The following PTBP2 variants were observed in gnomAD, a reference collection of about 807,000 sequenced individuals.
PTBP2 encodes polypyrimidine tract binding protein 2.
Under a neutral mutation model 61.4 loss-of-function variants are expected in PTBP2, and 13 were observed. The ratio of observed to expected loss-of-function variants is 0.21; its 90% CI spans 0.14 to 0.34. PTBP2 has a LOEUF of 0.34. PTBP2 is among the 10% of genes least tolerant of loss of function. The pLI is 1.00. For missense variants in PTBP2, 405 were observed against 642.6 expected (o/e 0.63, Z 4.00); for synonymous variants, 215 against 218.5 (o/e 0.98, Z 0.14).
intron 5 of PTBP2, among the ~76,000 whole-genome samples, chr1:96,773,801 A>G (rs140706435): frequency 0.019 from 2,817 of 151,796 alleles, 88 homozygotes; most frequent in African/African-American, 0.064. Flanking sequence ...CGTCTGTACT[A>G]AAAATACGAA....
At chr1:96,726,497 T>C (rs1211034243) in intron 2 of PTBP2, among the ~76,000 whole-genome samples, 1 of 150,100 alleles carries the variant, frequency 6.7e-6, no homozygotes, top group Admixed American at 6.6e-5. Context: ...GAGTGCAGTG[T>C]CGCGATCTCT....
At position 96,737,544 on chromosome 1, in the gene PTBP2, T is replaced by C. The variant is rs559906700; in HGVS notation, c.40-13881T>C. Among the ~76,000 whole-genome samples, 11 of 152,276 alleles carry C rather than the reference T, an allele frequency of 7.2e-5. No homozygotes were observed. The South Asian group carries it at 2.1e-3, about 29-fold the overall frequency. ...TGGAAAGGTTCTATGAAGGGTTGTT[T>C]AGAGCCTTTAAGGGCAAAATTTTCT... On this transcript the variant is annotated intron_variant, in intron 2 of 13. Transcript: ENST00000674951.
At position 96,813,017 on chromosome 1, in the gene PTBP2, C is replaced by T. The variant is rs763169685; in HGVS notation, c.1389-12C>T. 1.9e-6 allele frequency: 3 copies of T among 1,608,652 alleles called. No individual in the cohort carries two copies. The highest frequency in any genetic ancestry group is 1.1e-5 in the South Asian group (1 of 90,760). On this transcript the variant is annotated splice_polypyrimidine_tract_variant and intron_variant, in intron 12 of 13. Coordinates refer to ENST00000674951, the MANE Select transcript of PTBP2 (RefSeq NM_021190.4). ...TTAATCTTCACTTTTTCTTCCCATT[C>T]AATTTTCCTAGTCCATCAGTAGCAG...
At chr1:96,736,853 T>G (rs1342817227) in intron 2 of PTBP2, among the ~76,000 whole-genome samples, 1 of 151,916 alleles carries the variant, frequency 6.6e-6, no homozygotes, top group Non-Finnish European at 1.5e-5. Flanking sequence ...ATTTTTGAGT[T>G]TTTTTTTGTA....
At chr1:96,800,379 AG>A (rs374591493) in intron 8 of PTBP2, among the ~76,000 whole-genome samples, 266 of 149,558 alleles carry the variant, frequency 1.8e-3, no homozygotes, top group African/African-American at 6.5e-3. Context: ...ATTTAGTAAA[AG>A]GTAGCATTCT....
intron 8 of PTBP2, among the ~76,000 whole-genome samples, chr1:96,804,274 A>C (rs1661299653): frequency 6.6e-6 from 1 of 152,200 alleles, no homozygotes; most frequent in East Asian, 1.9e-4. Flanking sequence ...CTTTATTTGC[A>C]TGAATTAAAT....
chr1:96,735,192 A>G (rs193190987), intron 2 of PTBP2, among the ~76,000 whole-genome samples: 192 of 152,272 alleles, frequency 1.3e-3, no homozygotes, highest in Non-Finnish European at 2.0e-3. Context: ...TGCTGGGATT[A>G]TAGGCATGAG....
chr1:96,818,349 T>G (rs1662558282), downstream of PTBP2: 1 of 152,108 alleles, frequency 6.6e-6, no homozygotes, highest in Non-Finnish European at 1.5e-5. Context: ...ACTTAGATCT[T>G]CCTCGTTTCC....
At chr1:96,797,335 A>G (rs534395562) in intron 8 of PTBP2, among the ~76,000 whole-genome samples, 14 of 152,194 alleles carry the variant, frequency 9.2e-5, no homozygotes, top group Non-Finnish European at 1.8e-4. Context: ...GTAAGTTTTT[A>G]ATTAAAAAGT....
intron 2 of PTBP2, among the ~76,000 whole-genome samples, chr1:96,734,079 G>T (rs1317190118): frequency 6.6e-6 from 1 of 152,042 alleles, no homozygotes; most frequent in Non-Finnish European, 1.5e-5. Flanking sequence ...AAGTAATAAG[G>T]TGTCACAGAA....
chr1:96,740,238 AC>A (rs1652822882), intron 2 of PTBP2, among the ~76,000 whole-genome samples: 1 of 152,168 alleles, frequency 6.6e-6, no homozygotes, highest in Admixed American at 6.5e-5. Context: ...TCGTTTTCTC[AC>A]AGTTCTGGAA....
At chr1:96,769,559 A>G (rs1657149120) in intron 3 of PTBP2, 144 bp from the exon 4 acceptor site, 1 of 511,568 alleles carries the variant, frequency 2.0e-6, no homozygotes, top group African/African-American at 2.0e-5. Flanking sequence ...AAAGCCTGGC[A>G]TTTGAATTTT....
At chr1:96,750,526 A>G (rs1236801010) in intron 2 of PTBP2, among the ~76,000 whole-genome samples, 1 of 152,042 alleles carries the variant, frequency 6.6e-6, no homozygotes, top group Non-Finnish European at 1.5e-5. Context: ...GAGTTTAAAT[A>G]CAAATTAGCG....
rs146783224 is a variant in PTBP2, at chr1:96,776,602, T to G, written c.433-983T>G. ...ACCTGTTGATATAGATTTTTCAAAC[T>G]GTAAACCTATGTATAGGTATTTGTG... On this transcript the variant is annotated intron_variant, in intron 5 of 13. Transcript: ENST00000674951. Among the ~76,000 whole-genome samples, 64 of 152,134 alleles carry G rather than the reference T, an allele frequency of 4.2e-4. 1 individual carries two copies. The East Asian group carries it at 0.01, about 24-fold the overall frequency.
Position 96,777,450 on chromosome 1 carries a change from A to G in PTBP2, c.433-135A>G, listed in dbSNP as rs1390465710. The G allele has an allele frequency of 5.0e-6, 3 of 604,712 alleles. No homozygotes were observed. In the African/African-American group the frequency reaches 5.7e-5, roughly 12 times the overall value. The allele number at this position is 604,712 out of a possible 1,614,324, so 37.5% of individuals were successfully genotyped here. On this transcript the variant is annotated intron_variant, in intron 5 of 13. Coordinates refer to ENST00000674951, the MANE Select transcript of PTBP2 (RefSeq NM_021190.4). ...CCTGGCTCATGGCAGGTGCTTAAAAATATCTGTTGAGGGGCCATTTAATTT... is the reference window on the plus strand; with the variant it reads ...CCTGGCTCATGGCAGGTGCTTAAAAGTATCTGTTGAGGGGCCATTTAATTT...
intron 2 of PTBP2, among the ~76,000 whole-genome samples, chr1:96,734,844 T>C (rs1321339541): frequency 2.0e-5 from 3 of 151,920 alleles, no homozygotes; most frequent in Non-Finnish European, 4.4e-5. Flanking sequence ...ACATTTCTTA[T>C]ACTTTACCTT....
intron 2 of PTBP2, among the ~76,000 whole-genome samples, chr1:96,735,728 T>C (rs1467620111): frequency 1.3e-5 from 2 of 151,746 alleles, no homozygotes; most frequent in African/African-American, 4.8e-5. Flanking sequence ...AGCAAAGAGA[T>C]GAAAATAGGA....
chr1:96,740,346 A>C (rs986083590), intron 2 of PTBP2, among the ~76,000 whole-genome samples: 2 of 152,288 alleles, frequency 1.3e-5, no homozygotes, highest in East Asian at 3.9e-4. Flanking sequence ...TGTGCCTCAC[A>C]TGACCTTTTC....
At chr1:96,797,342 A>G (rs1056478145) in intron 8 of PTBP2, among the ~76,000 whole-genome samples, 8 of 152,198 alleles carry the variant, frequency 5.3e-5, no homozygotes, top group Admixed American at 4.6e-4. Flanking sequence ...TTTAATTAAA[A>G]AGTTAATCTG....
Sources: gnomAD v4.1 joint callset for allele counts (sites outside exome capture counted in the v4.1 genomes callset) on GRCh38, gnomAD v4.1.1 for gene constraint, MANE v1.5 for transcripts, NCBI Gene and HGNC (gene_info 2026-07-23, HGNC 2026-07-21) for gene names.